Variants in TMEM116 observed in about 807,000 individuals in gnomAD.
The protein encoded by TMEM116 is transmembrane protein 116.
Under a neutral mutation model 44.3 loss-of-function variants are expected in TMEM116, and 38 were observed. The observed-to-expected ratio is 0.86, with a 90% confidence interval of 0.66 to 1.12. The LOEUF is 1.12. Among genes scored for constraint, TMEM116 ranks in the 50% most tolerant of loss-of-function variants. TMEM116 has a pLI of 0.00. For synonymous variants in TMEM116, 132 were observed against 144.8 expected, an observed-to-expected ratio of 0.91 and a Z score of 0.64; for missense variants, 354 against 401.7, an observed-to-expected ratio of 0.88 and a Z score of 1.01.
At chr12:111,954,650 C>T (rs1398624336) in intron 4 of TMEM116, among the ~76,000 whole-genome samples, 2 of 152,214 alleles carry the variant, frequency 1.3e-5, no homozygotes, top group Non-Finnish European at 1.5e-5. Context: ...CAGGTCCGAT[C>T]GACTGCAAAC....
At chr12:111,938,677 G>C (rs1423899439) in intron 5 of TMEM116, among the ~76,000 whole-genome samples, 1 of 152,170 alleles carries the variant, frequency 6.6e-6, no homozygotes, top group Non-Finnish European at 1.5e-5. Flanking sequence ...TCCAGGATTA[G>C]TATAATAGGG....
At chr12:111,991,057 A>T (rs570403693) in intron 4 of TMEM116, among the ~76,000 whole-genome samples, 106 of 151,910 alleles carry the variant, frequency 7.0e-4, no homozygotes, top group Admixed American at 1.3e-3. Context: ...CATCTCTACT[A>T]AAAGTACAAA....
At chr12:111,950,108 T>C (rs937236893) in intron 4 of TMEM116, among the ~76,000 whole-genome samples, 5 of 150,914 alleles carry the variant, frequency 3.3e-5, no homozygotes, top group Non-Finnish European at 7.4e-5. Context: ...ACAGTGAGAC[T>C]CCCTCTCAAA....
chr12:111,934,212 C>A, intron 8 of TMEM116, 182 bp from the exon 9 acceptor site: 1 of 674,104 alleles, frequency 1.5e-6, no homozygotes, highest in Non-Finnish European at 2.4e-6. Flanking sequence ...TCAGAGTGAA[C>A]TTTTACTAGG....
intron 4 of TMEM116, among the ~76,000 whole-genome samples, chr12:111,943,792 C>T (rs1266668073): frequency 2.0e-5 from 3 of 152,080 alleles, no homozygotes; most frequent in Non-Finnish European, 2.9e-5. Context: ...CTGCCTTGGC[C>T]TCCCTAAGTG....
chr12:111,941,160 G>T (rs541553685), intron 5 of TMEM116, among the ~76,000 whole-genome samples: 1 of 151,964 alleles, frequency 6.6e-6, no homozygotes, highest in Non-Finnish European at 1.5e-5. Flanking sequence ...GGCAAATCAC[G>T]AGGTCAGAAG....
chr12:111,950,116 AAAAAC>A (rs372065144), intron 4 of TMEM116, among the ~76,000 whole-genome samples: 25 of 151,600 alleles, frequency 1.6e-4, no homozygotes, highest in Non-Finnish European at 2.2e-4. Flanking sequence ...ACTCCCTCTC[AAAAAC>A]AAAACAAAAC....
At chr12:111,942,183 C>A (rs1593300452) in intron 5 of TMEM116, among the ~76,000 whole-genome samples, 1 of 152,236 alleles carries the variant, frequency 6.6e-6, no homozygotes. Flanking sequence ...GGTGATCCAC[C>A]CATCTTGGCT....
intron 4 of TMEM116, among the ~76,000 whole-genome samples, chr12:111,970,354 G>A (rs2075262846): frequency 6.6e-6 from 1 of 151,684 alleles, no homozygotes; most frequent in African/African-American, 2.4e-5. Context: ...ATGCAAAACT[G>A]CAAAGACTAT....
chr12:111,951,951 C>T (rs965541492), intron 4 of TMEM116, among the ~76,000 whole-genome samples: 1 of 151,706 alleles, frequency 6.6e-6, no homozygotes, highest in South Asian at 2.1e-4. Context: ...GTGGCTTGGC[C>T]GGGTGCGGTG....
At chr12:111,943,692 G>A (rs1454832445) in intron 4 of TMEM116, among the ~76,000 whole-genome samples, 1 of 152,024 alleles carries the variant, frequency 6.6e-6, no homozygotes. Context: ...GTGCCACTAC[G>A]CCCCGCTAAT....
intron 4 of TMEM116, among the ~76,000 whole-genome samples, chr12:111,989,145 T>G (rs555301139): frequency 6.6e-5 from 10 of 152,216 alleles, no homozygotes; most frequent in Admixed American, 2.0e-4. Flanking sequence ...ACTGGTAGAT[T>G]GTGGAAAGAA....
At chr12:111,966,335 G>A (rs1288300252) in intron 4 of TMEM116, among the ~76,000 whole-genome samples, 1 of 151,998 alleles carries the variant, frequency 6.6e-6, no homozygotes, top group Admixed American at 6.6e-5. Context: ...ATTTAGCTGT[G>A]GTACCAGACT....
At chr12:111,954,281 T>G (rs1015798500) in intron 4 of TMEM116, among the ~76,000 whole-genome samples, 1 of 152,182 alleles carries the variant, frequency 6.6e-6, no homozygotes, top group Non-Finnish European at 1.5e-5. Flanking sequence ...AATTTAATTC[T>G]ATATGGGAGA....
intron 3 of TMEM116, among the ~76,000 whole-genome samples, chr12:111,999,638 A>G (rs2077140959): frequency 6.6e-6 from 1 of 152,004 alleles, no homozygotes; most frequent in African/African-American, 2.4e-5. Context: ...ATATATATAC[A>G]CATGTATATA....
At chr12:111,933,151 G>C (rs1311701453) in intron 9 of TMEM116, among the ~76,000 whole-genome samples, 1 of 151,140 alleles carries the variant, frequency 6.6e-6, no homozygotes, top group Non-Finnish European at 1.5e-5. Context: ...TGAGGCAGGA[G>C]AATTGCTTGA....
Position 111,961,229 on chromosome 12 carries a change from A to G in TMEM116, c.211-17860T>C, listed in dbSNP as rs1032864439. ...TCCAGGACCAGACAGATTCACAGAC[A>G]AATTCTACCAGAGGTACAAAGGGGA... On this transcript the variant is annotated intron_variant, in intron 4 of 10. Transcript: ENST00000552374. Among the ~76,000 whole-genome samples the G allele has an allele frequency of 2.0e-5, 3 of 152,212 alleles. No individual in the cohort carries two copies. The South Asian group carries it at 6.2e-4, about 31-fold the overall frequency.
intron 3 of TMEM116, among the ~76,000 whole-genome samples, chr12:111,999,560 C>T (rs2077129698): frequency 1.3e-5 from 2 of 151,766 alleles, no homozygotes; most frequent in Admixed American, 1.3e-4. Context: ...GACTGCACCA[C>T]TGCACTCCAG....
intron 1 of TMEM116, chr12:112,006,218 T>C (rs1565976788): frequency 1.3e-5 from 2 of 151,922 alleles, no homozygotes; most frequent in South Asian, 2.1e-4. Flanking sequence ...GGAAACAAAG[T>C]GGTAAGTGGC....
Sources: gnomAD v4.1 joint callset for allele counts (sites outside exome capture counted in the v4.1 genomes callset) on GRCh38, gnomAD v4.1.1 for gene constraint, MANE v1.5 for transcripts, NCBI Gene and HGNC (gene_info 2026-07-23, HGNC 2026-07-21) for gene names.